Variants in IL1RAPL2 observed in about 807,000 individuals in gnomAD.
IL1RAPL2 encodes interleukin 1 receptor accessory protein like 2, also known as X-linked interleukin-1 receptor accessory protein-like 2.
In IL1RAPL2, 3 loss-of-function variants were observed where a neutral mutation model predicts 44.1. That is an observed-to-expected ratio of 0.07 (90% confidence interval 0.03 to 0.18). The LOEUF is 0.18. Among genes scored for constraint, IL1RAPL2 ranks in the 10% least tolerant of loss-of-function variants. The pLI, the probability that IL1RAPL2 is intolerant of heterozygous loss-of-function variation, is 1.00. For missense variants in IL1RAPL2, 391 were observed against 496.4 expected (o/e 0.79, Z 2.02); for synonymous variants, 181 against 178.8 (o/e 1.01, Z -0.10).
chrX:105,125,495 C>T (rs2032965843), intron 2 of IL1RAPL2, among the ~76,000 whole-genome samples: 1 of 110,915 alleles, frequency 9.0e-6, no homozygotes, highest in African/African-American at 3.3e-5. Flanking sequence ...GTCAAAATAA[C>T]AAAATATCTT....
In IL1RAPL2 at chrX:105,551,978, C is replaced by T. The variant is rs987470729; in HGVS notation, c.772+67591C>T. On this transcript the variant is annotated intron_variant, in intron 6 of 10. Transcript: ENST00000372582. ...AAAATTAGCTGGGCGTGGTGGCGGG[C>T]GCCTGCAGTCCCAGCTACTCGCGAG... is the stretch of plus-strand genomic sequence containing the variant. 4.5e-5 allele frequency among the ~76,000 whole-genome samples: 5 copies of T among 109,982 alleles called. No individual in the cohort carries two copies. The Admixed American group carries it at 4.8e-4, about 11-fold the overall frequency.
intron 2 of IL1RAPL2, among the ~76,000 whole-genome samples, chrX:104,838,096 T>C (rs1602750856): frequency 8.9e-6 from 1 of 111,943 alleles, no homozygotes; most frequent in African/African-American, 3.2e-5. Context: ...GATGTCTGTT[T>C]TGGTACCACT....
chrX:104,788,759 C>T (rs1294670732), intron 2 of IL1RAPL2, among the ~76,000 whole-genome samples: 1 of 111,710 alleles, frequency 9.0e-6, no homozygotes, highest in Non-Finnish European at 1.9e-5. Context: ...ATGCAAAAGG[C>T]ATGCACATGA....
chrX:105,554,886 G>T (rs1016339756), intron 6 of IL1RAPL2, among the ~76,000 whole-genome samples: 1 of 110,787 alleles, frequency 9.0e-6, no homozygotes, highest in Non-Finnish European at 1.9e-5. Flanking sequence ...TTCTACATCT[G>T]TTTCTATTGA....
chrX:104,749,335 C>T (rs1174683342), intron 2 of IL1RAPL2, among the ~76,000 whole-genome samples: 2 of 110,932 alleles, frequency 1.8e-5, no homozygotes, highest in Non-Finnish European at 3.8e-5. Flanking sequence ...CCCTGCATGC[C>T]TAGCCCATCT....
chrX:105,720,290 T>C (rs1346156234), intron 7 of IL1RAPL2, among the ~76,000 whole-genome samples: 1 of 2,218 alleles, frequency 4.5e-4, no homozygotes, highest in Non-Finnish European at 7.6e-4. Flanking sequence ...TGTACACCTG[T>C]GAAACCATCA....
chrX:105,298,155 A>G (rs1222321279), intron 5 of IL1RAPL2, among the ~76,000 whole-genome samples: 1 of 111,037 alleles, frequency 9.0e-6, no homozygotes, highest in African/African-American at 3.3e-5. Flanking sequence ...AAAATCTATT[A>G]TTTTAGCAAT....
intron 2 of IL1RAPL2, among the ~76,000 whole-genome samples, chrX:105,060,546 T>C (rs1178659763): frequency 9.1e-6 from 1 of 109,454 alleles, no homozygotes; most frequent in Non-Finnish European, 1.9e-5. Flanking sequence ...ATTAGGGATA[T>C]TGGCCTGTAC....
At chrX:104,893,314 G>T (rs1440901888) in intron 2 of IL1RAPL2, among the ~76,000 whole-genome samples, 1 of 111,584 alleles carries the variant, frequency 9.0e-6, no homozygotes, top group Non-Finnish European at 1.9e-5. Context: ...GGTCCACTTG[G>T]TGCAGAGCTG....
chrX:104,632,321 G>A (rs1289409007), intron 1 of IL1RAPL2, among the ~76,000 whole-genome samples: 3 of 111,356 alleles, frequency 2.7e-5, no homozygotes, highest in African/African-American at 9.8e-5. Flanking sequence ...ACTTGGCGAT[G>A]CGGGCTCTTT....
At chrX:105,079,169 A>G (rs984930219) in intron 2 of IL1RAPL2, among the ~76,000 whole-genome samples, 1 of 111,700 alleles carries the variant, frequency 9.0e-6, no homozygotes, top group South Asian at 3.8e-4. Context: ...TTCTTTATCC[A>G]GTCATGCTGG....
intron 7 of IL1RAPL2, among the ~76,000 whole-genome samples, chrX:105,737,768 G>A (rs1449279924): frequency 9.0e-6 from 1 of 111,500 alleles, no homozygotes; most frequent in Admixed American, 9.6e-5. Flanking sequence ...AAATAATTGA[G>A]TGTGGTGTTG....
At chrX:105,557,412 A>G (rs902407829) in intron 6 of IL1RAPL2, among the ~76,000 whole-genome samples, 1 of 111,897 alleles carries the variant, frequency 8.9e-6, no homozygotes, top group African/African-American at 3.2e-5. Flanking sequence ...CACACCCTGA[A>G]AGAAATACCT....
At chrX:105,246,456 T>G (rs1404425958) in intron 4 of IL1RAPL2, among the ~76,000 whole-genome samples, 1 of 111,391 alleles carries the variant, frequency 9.0e-6, no homozygotes. Context: ...GAAATCAATA[T>G]CAAATCCATC....
chrX:104,890,115 C>A (rs1028099027), intron 2 of IL1RAPL2, among the ~76,000 whole-genome samples: 2 of 111,674 alleles, frequency 1.8e-5, no homozygotes, highest in Admixed American at 9.5e-5. Context: ...CATGTCCCTA[C>A]AAAGGACATG....
In IL1RAPL2 at chrX:104,709,975, TA is replaced by T. The variant is rs1033421690; in HGVS notation, c.82+50988del. Among the ~76,000 whole-genome samples the T allele has an allele frequency of 3.9e-4, 43 of 110,486 alleles. No homozygotes were observed. In the South Asian group the frequency reaches 6.1e-3, roughly 16 times the overall value. Reference sequence around the variant, plus strand: ...ACATCTATTTGTATAGCTATAATAATAAAAAAAAGAAACAAACAGCAAAGTT... The same window carrying T: ...ACATCTATTTGTATAGCTATAATAATAAAAAAAGAAACAAACAGCAAAGTT... On this transcript the variant is annotated intron_variant, in intron 2 of 10. Coordinates refer to ENST00000372582, the MANE Select transcript of IL1RAPL2 (RefSeq NM_017416.2).
intron 3 of IL1RAPL2, among the ~76,000 whole-genome samples, chrX:105,207,532 T>C (rs1296256978): frequency 9.0e-6 from 1 of 111,660 alleles, no homozygotes; most frequent in African/African-American, 3.3e-5. Flanking sequence ...CCCAGAAACC[T>C]CTCTCATTGC....
intron 2 of IL1RAPL2, among the ~76,000 whole-genome samples, chrX:105,117,657 C>A (rs897868603): frequency 1.8e-5 from 2 of 111,508 alleles, no homozygotes; most frequent in African/African-American, 6.5e-5. Context: ...GCTTTTCCCC[C>A]CTTTGCTCAG....
intron 1 of IL1RAPL2, among the ~76,000 whole-genome samples, chrX:104,585,567 G>A (rs1928544950): frequency 2.1e-5 from 2 of 97,190 alleles, no homozygotes; most frequent in African/African-American, 7.5e-5. Flanking sequence ...GTACCCATCA[G>A]TTATTTTTCT....
Sources: gnomAD v4.1 joint callset for allele counts (sites outside exome capture counted in the v4.1 genomes callset) on GRCh38, gnomAD v4.1.1 for gene constraint, MANE v1.5 for transcripts, NCBI Gene and HGNC (gene_info 2026-07-23, HGNC 2026-07-21) for gene names.